MAGI2: variants seen among roughly 807,000 people sequenced by gnomAD.
The protein encoded by MAGI2 is membrane-associated guanylate kinase, WW and PDZ domain-containing protein 2.
MAGI2 carries 35 observed loss-of-function variants against 133.3 expected under a neutral mutation model. That is an observed-to-expected ratio of 0.26 (90% confidence interval 0.20 to 0.35). MAGI2 has a LOEUF of 0.35. MAGI2 is among the 10% of genes least tolerant of loss of function. The probability of loss-of-function intolerance (pLI) is 1.00; values close to 1 mark genes in which losing one functional copy is unlikely to be tolerated. For missense variants in MAGI2, 1,636 were observed against 1,863.4 expected (o/e 0.88, Z 2.25); for synonymous variants, 729 against 710.6 (o/e 1.03, Z -0.41).
At chr7:78,957,420 C>T (rs2115699489) in intron 2 of MAGI2, among the ~76,000 whole-genome samples, 1 of 151,880 alleles carries the variant, frequency 6.6e-6, no homozygotes, top group Non-Finnish European at 1.5e-5. Context: ...GTATAATTTG[C>T]CTCAATTACT....
intron 2 of MAGI2, among the ~76,000 whole-genome samples, chr7:78,814,496 C>T (rs985564699): frequency 1.3e-5 from 2 of 152,276 alleles, no homozygotes; most frequent in African/African-American, 4.8e-5. Context: ...AATGCCTCAA[C>T]TTGTCTACCT....
At chr7:78,099,708 T>C (rs1818031098) in intron 20 of MAGI2, among the ~76,000 whole-genome samples, 1 of 152,228 alleles carries the variant, frequency 6.6e-6, no homozygotes, top group Admixed American at 6.5e-5. Flanking sequence ...ATATACTTCC[T>C]TGTGGTATTG....
At chr7:78,193,741 C>A (rs543602347) in intron 12 of MAGI2, among the ~76,000 whole-genome samples, 1 of 83,562 alleles carries the variant, frequency 1.2e-5, no homozygotes, top group Admixed American at 1.5e-4. Flanking sequence ...CTGATGTAGC[C>A]GCTTCTTTAA....
intron 1 of MAGI2, among the ~76,000 whole-genome samples, chr7:79,420,710 T>C (rs114584552): frequency 0.011 from 1,720 of 152,102 alleles, 37 homozygotes; most frequent in African/African-American, 0.04. Context: ...GATTACATCA[T>C]CATGGTGAAA....
chr7:78,199,591 A>T (rs1262594717), intron 11 of MAGI2, among the ~76,000 whole-genome samples: 1 of 152,188 alleles, frequency 6.6e-6, no homozygotes, highest in Admixed American at 6.5e-5. Flanking sequence ...TGCCTTTAGT[A>T]CCAGCACCCT....
chr7:78,696,328 C>T (rs546080332), intron 2 of MAGI2, among the ~76,000 whole-genome samples: 5 of 152,260 alleles, frequency 3.3e-5, no homozygotes, highest in African/African-American at 7.2e-5. Flanking sequence ...TTAAGCTCAA[C>T]TGAATTAATG....
intron 16 of MAGI2, among the ~76,000 whole-genome samples, chr7:78,136,515 A>G (rs1822154397): frequency 6.6e-6 from 1 of 152,176 alleles, no homozygotes; most frequent in Non-Finnish European, 1.5e-5. Flanking sequence ...GTAAATGTTT[A>G]AGTACCTACC....
intron 1 of MAGI2, among the ~76,000 whole-genome samples, chr7:79,263,000 T>C (rs957982535): frequency 1.3e-5 from 2 of 152,226 alleles, no homozygotes; most frequent in Non-Finnish European, 2.9e-5. Flanking sequence ...AGTTCCCAAA[T>C]GTTGTTGTGC....
At chr7:78,468,871 T>C (rs1259736279) in intron 6 of MAGI2, among the ~76,000 whole-genome samples, 2 of 152,052 alleles carry the variant, frequency 1.3e-5, no homozygotes, top group South Asian at 2.1e-4. Flanking sequence ...AGTCAGAAGG[T>C]TAATAATAGC....
chr7:78,882,003 G>A (rs1332255935), intron 2 of MAGI2, among the ~76,000 whole-genome samples: 1 of 138,556 alleles, frequency 7.2e-6, no homozygotes. Flanking sequence ...CATACCAAAT[G>A]ATCAGGGAAA....
intron 1 of MAGI2, among the ~76,000 whole-genome samples, chr7:79,359,603 C>T (rs1842246391): frequency 6.6e-6 from 1 of 150,702 alleles, no homozygotes; most frequent in Admixed American, 6.6e-5. Flanking sequence ...AGAAAAATAA[C>T]ACATTATGGG....
intron 9 of MAGI2, among the ~76,000 whole-genome samples, chr7:78,289,790 G>A (rs979937488): frequency 6.6e-6 from 1 of 152,146 alleles, no homozygotes; most frequent in Non-Finnish European, 1.5e-5. Flanking sequence ...GAAGAGAGTA[G>A]GGGCCAATAT....
At chr7:78,579,784 C>T (rs1488714023) in intron 3 of MAGI2, among the ~76,000 whole-genome samples, 1 of 152,096 alleles carries the variant, frequency 6.6e-6, no homozygotes, top group Non-Finnish European at 1.5e-5. Flanking sequence ...TAAACTTCTG[C>T]TTTTCTCTTG....
At chr7:78,171,661 C>T (rs984912817) in intron 14 of MAGI2, among the ~76,000 whole-genome samples, 2 of 152,218 alleles carry the variant, frequency 1.3e-5, no homozygotes, top group African/African-American at 4.8e-5. Context: ...TGCTAAGACA[C>T]CTATTCCCGT....
At chr7:79,105,095 A>G (rs922526268) in intron 1 of MAGI2, among the ~76,000 whole-genome samples, 11 of 152,234 alleles carry the variant, frequency 7.2e-5, no homozygotes, top group Admixed American at 2.0e-4. Context: ...AGTGTGAGTG[A>G]CAGGTTTTAG....
At chr7:78,752,182 A>G (rs1317748488) in intron 2 of MAGI2, among the ~76,000 whole-genome samples, 5 of 152,230 alleles carry the variant, frequency 3.3e-5, no homozygotes, top group Non-Finnish European at 5.9e-5. Flanking sequence ...AAAGACTGCT[A>G]AAGAAGTAGC....
At chr7:79,429,267 C>T (rs928363470) in intron 1 of MAGI2, among the ~76,000 whole-genome samples, 6 of 151,900 alleles carry the variant, frequency 3.9e-5, no homozygotes, top group Admixed American at 6.6e-5. Flanking sequence ...ACCTTATTGA[C>T]AAGTCAATAA....
At chr7:78,249,308 TCCTC>T (rs1792135183) in intron 10 of MAGI2, among the ~76,000 whole-genome samples, 1 of 152,150 alleles carries the variant, frequency 6.6e-6, no homozygotes, top group Non-Finnish European at 1.5e-5. Flanking sequence ...GTATGGAAGT[TCCTC>T]AAAATATTAA....
chr7:78,663,253 C>T (rs1174154502), intron 2 of MAGI2, among the ~76,000 whole-genome samples: 1 of 140,150 alleles, frequency 7.1e-6, no homozygotes, highest in Non-Finnish European at 1.5e-5. Context: ...CTCGCCCAAG[C>T]TGGAGTGCAG....
Sources: gnomAD v4.1 joint callset for allele counts (sites outside exome capture counted in the v4.1 genomes callset) on GRCh38, gnomAD v4.1.1 for gene constraint, MANE v1.5 for transcripts, NCBI Gene and HGNC (gene_info 2026-07-23, HGNC 2026-07-21) for gene names.